CCDC15: variants seen among roughly 807,000 people sequenced by gnomAD.
The protein encoded by CCDC15 is coiled-coil domain containing 15.
Under a neutral mutation model 114.5 loss-of-function variants are expected in CCDC15, and 105 were observed. The observed-to-expected ratio is 0.92, with a 90% CI of 0.78 to 1.08. CCDC15 has a LOEUF of 1.08. Ranked by LOEUF, CCDC15 falls within the 50% of genes least tolerant of loss-of-function variation. The pLI, the probability that CCDC15 is intolerant of heterozygous loss-of-function variation, is 0.00. For synonymous variants in CCDC15, 334 were observed against 377.8 expected, an observed-to-expected ratio of 0.88 and a Z score of 1.34; for missense variants, 1,105 against 1,093.6, an observed-to-expected ratio of 1.01 and a Z score of -0.15.
In CCDC15 at chr11:125,036,712, G is replaced by A. The variant is rs140826350; in HGVS notation, c.2412-1719G>A. On this transcript the variant is annotated intron_variant, in intron 13 of 15. Transcript: ENST00000344762. ...GTATTTTCAAATAGCCTGTCTTCAA[G>A]CTCACTAATTCTTTCTTCTGCTTGA... Among the ~76,000 whole-genome samples the A allele has an allele frequency of 3.2e-4, 49 of 152,026 alleles. No individual in the cohort carries two copies. The East Asian group carries it at 3.5e-3, about 11-fold the overall frequency.
intron 2 of CCDC15, among the ~76,000 whole-genome samples, chr11:124,955,892 A>G (rs1044989160): frequency 2.0e-5 from 3 of 152,206 alleles, no homozygotes; most frequent in African/African-American, 7.2e-5. Flanking sequence ...TTCTAAGAAT[A>G]TAATGCTCAA....
intron 3 of CCDC15, 58 bp downstream of exon 3, chr11:124,959,322 T>A: frequency 7.1e-7 from 1 of 1,402,220 alleles, no homozygotes; most frequent in Non-Finnish European, 9.6e-7. Flanking sequence ...TGTTATGAGA[T>A]AAGCTATTAG....
chr11:124,958,791 A>G (rs1947601115), intron 2 of CCDC15, among the ~76,000 whole-genome samples: 2 of 152,234 alleles, frequency 1.3e-5, no homozygotes, highest in Admixed American at 6.5e-5. Context: ...ATGGAGCATA[A>G]TGCCAAATAT....
intron 4 of CCDC15, among the ~76,000 whole-genome samples, chr11:124,970,330 A>C (rs1947858237): frequency 6.6e-6 from 1 of 152,156 alleles, no homozygotes; most frequent in African/African-American, 2.4e-5. Flanking sequence ...TGGCCATCTT[A>C]TAGATTGATA....
At position 125,003,962 on chromosome 11, in the gene CCDC15, A is replaced by G; in HGVS notation, c.2307+3A>G. 2 of 1,444,472 alleles carry G rather than the reference A, an allele frequency of 1.4e-6. No homozygotes were observed. The allele number at this position is 1,444,472 out of a possible 1,614,324, so 89.5% of individuals were successfully genotyped here. ...ATAAAGAAGAAGATAAGAAAGAGGTATGTAATGATACTGCTTTTGGATCCC... is the reference window on the plus strand; with the variant it reads ...ATAAAGAAGAAGATAAGAAAGAGGTGTGTAATGATACTGCTTTTGGATCCC... On this transcript the variant is annotated splice_donor_region_variant and intron_variant, in intron 12 of 15. Transcript: ENST00000344762.
At chr11:124,971,074 C>T (rs948528090) in intron 4 of CCDC15, among the ~76,000 whole-genome samples, 1 of 152,122 alleles carries the variant, frequency 6.6e-6, no homozygotes, top group African/African-American at 2.4e-5. Context: ...CTAAGGCCGC[C>T]CCTTTAATAG....
intron 4 of CCDC15, among the ~76,000 whole-genome samples, chr11:124,961,053 C>G (rs778611705): frequency 6.6e-6 from 1 of 152,154 alleles, no homozygotes; most frequent in Non-Finnish European, 1.5e-5. Flanking sequence ...CTATTTGACT[C>G]TTTCTTGTCA....
intron 8 of CCDC15, among the ~76,000 whole-genome samples, chr11:124,988,867 A>G (rs1948221471): frequency 6.6e-6 from 1 of 152,202 alleles, no homozygotes; most frequent in Non-Finnish European, 1.5e-5. Context: ...CTCCACTTCT[A>G]ATTCTAGTTC....
chr11:124,990,197 C>A (rs1423441518), intron 8 of CCDC15, among the ~76,000 whole-genome samples: 1 of 152,002 alleles, frequency 6.6e-6, no homozygotes, highest in African/African-American at 2.4e-5. Context: ...AATAGGGAGG[C>A]CTAAGGAGAG....
In CCDC15 at chr11:124,977,689, T is replaced by G. The variant is rs537444599; in HGVS notation, c.753+89T>G. On this transcript the variant is annotated intron_variant, in intron 6 of 15. Coordinates refer to ENST00000344762, the MANE Select transcript of CCDC15 (RefSeq NM_025004.3). Reference sequence around the variant, plus strand: ...AAGGATGGGATAAAGGGTTAAGATATCCAGTATTTTTTTTAACGGACTTTA... The same window carrying G: ...AAGGATGGGATAAAGGGTTAAGATAGCCAGTATTTTTTTTAACGGACTTTA... The G allele has an allele frequency of 1.4e-4, 185 of 1,310,384 alleles. No individual in the cohort carries two copies. The African/African-American group carries it at 2.5e-3, about 17-fold the overall frequency. The allele number at this position is 1,310,384 out of a possible 1,614,324, so 81.2% of individuals were successfully genotyped here. A position where few individuals can be genotyped will look rare whatever the true frequency, so the allele number is the denominator to read the frequency against.
intron 13 of CCDC15, among the ~76,000 whole-genome samples, chr11:125,017,147 A>G (rs988871291): frequency 2.0e-5 from 3 of 152,228 alleles, no homozygotes; most frequent in African/African-American, 7.2e-5. Flanking sequence ...ACAGTAATTG[A>G]TAACTACTTT....
At chr11:124,974,584 TTAAG>T (rs537441507) in intron 4 of CCDC15, among the ~76,000 whole-genome samples, 60 of 152,280 alleles carry the variant, frequency 3.9e-4, no homozygotes, top group Non-Finnish European at 3.8e-4. Flanking sequence ...AGAAAAGACT[TTAAG>T]TAGCTATGGT....
chr11:124,975,295 A>G, intron 5 of CCDC15, 86 bp downstream of exon 5: 2 of 779,596 alleles, frequency 2.6e-6, no homozygotes, highest in Non-Finnish European at 3.8e-6. Context: ...ATAATTTAGA[A>G]CTGTAAAATA....
intron 13 of CCDC15, among the ~76,000 whole-genome samples, chr11:125,008,730 G>A (rs1027732074): frequency 1.5e-4 from 22 of 151,516 alleles, no homozygotes; most frequent in Admixed American, 1.3e-3. Context: ...GTCTCGCTCC[G>A]TTGCTAGGCT....
At chr11:124,984,748 T>C (rs1297020916) in intron 6 of CCDC15, among the ~76,000 whole-genome samples, 2 of 152,124 alleles carry the variant, frequency 1.3e-5, no homozygotes, top group African/African-American at 4.8e-5. Flanking sequence ...CAGGAGCCAC[T>C]GGGGGCCAGG....
intron 4 of CCDC15, among the ~76,000 whole-genome samples, chr11:124,963,306 G>T (rs913084427): frequency 3.3e-5 from 5 of 152,162 alleles, no homozygotes; most frequent in African/African-American, 1.2e-4. Context: ...AGCACCTGTT[G>T]TTTCCTGACT....
intron 4 of CCDC15, among the ~76,000 whole-genome samples, chr11:124,963,179 A>G (rs1342605875): frequency 6.6e-6 from 1 of 152,172 alleles, no homozygotes; most frequent in Non-Finnish European, 1.5e-5. Flanking sequence ...GCTGGGTCAA[A>G]TGGTATTTCT....
chr11:125,013,522 C>G (rs1421935742), intron 13 of CCDC15, among the ~76,000 whole-genome samples: 2 of 152,128 alleles, frequency 1.3e-5, no homozygotes, highest in African/African-American at 4.8e-5. Flanking sequence ...GATGAGGGCA[C>G]TGGGAACAGA....
chr11:124,959,299 T>C (rs1947614372), intron 3 of CCDC15, 35 bp downstream of exon 3: 1 of 1,514,908 alleles, frequency 6.6e-7, no homozygotes, highest in Admixed American at 2.4e-5. Flanking sequence ...AAAGATTGAA[T>C]GGAAAATATG....
Sources: allele counts gnomAD v4.1 joint callset (sites outside exome capture counted in the v4.1 genomes callset), GRCh38; gene constraint gnomAD v4.1.1; transcripts MANE v1.5; gene names NCBI Gene and HGNC (gene_info 2026-07-23, HGNC 2026-07-21).